The following HAPLN3 variants were observed in gnomAD, a reference collection of about 807,000 sequenced individuals.
HAPLN3 encodes the protein hyaluronan and proteoglycan link protein 3.
HAPLN3 carries 28 observed loss-of-function variants against 28.1 expected under a neutral mutation model. The observed-to-expected ratio is 1.00, with a 90% CI of 0.74 to 1.37. The LOEUF is 1.37. Among genes scored for constraint, HAPLN3 ranks in the 40% most tolerant of loss-of-function variants. The pLI is 0.00. For synonymous variants in HAPLN3, 211 were observed against 213.1 expected (o/e 0.99, Z 0.09); for missense variants, 513 against 504.6 (o/e 1.02, Z -0.16).
At position 88,881,128 on chromosome 15, in the gene HAPLN3, C is replaced by T; in HGVS notation, c.493+229G>A. ...AGAGGCTGGGTGCTTGGGTTCAGAC[C>T]CCAGCTCTGTCGTTTACAAGCTGTG... On this transcript the variant is annotated intron_variant, in intron 3 of 4. Transcript: ENST00000359595. The surrounding 1 kb of genome is among the most constrained non-coding windows in gnomAD (Gnocchi z 6.0). The T allele has an allele frequency of 3.4e-6, 2 of 583,350 alleles. No individual in the cohort carries two copies. The highest frequency in any genetic ancestry group is 3.0e-6 in the Non-Finnish European group (1 of 336,072). The allele number at this position is 583,350 out of a possible 1,614,324, so 36.1% of individuals were successfully genotyped here. A position where few individuals can be genotyped will look rare whatever the true frequency, so the allele number is the denominator to read the frequency against.
At chr15:88,887,649 T>C (rs1897901300) in intron 1 of HAPLN3, among the ~76,000 whole-genome samples, 1 of 152,094 alleles carries the variant, frequency 6.6e-6, no homozygotes, top group South Asian at 2.1e-4. Flanking sequence ...AGGCTCAATG[T>C]TTTTCAAGCC....
chr15:88,882,981 G>A (rs1285238860), intron 2 of HAPLN3, among the ~76,000 whole-genome samples: 1 of 152,074 alleles, frequency 6.6e-6, no homozygotes, highest in Non-Finnish European at 1.5e-5. Context: ...TTCCAAACTG[G>A]GTGAGAGAGC....
At chr15:88,883,091 G>T (rs1408070579) in intron 2 of HAPLN3, among the ~76,000 whole-genome samples, 1 of 152,208 alleles carries the variant, frequency 6.6e-6, no homozygotes, top group Non-Finnish European at 1.5e-5. Flanking sequence ...AGACAGGGAG[G>T]TTCCCTGTAG....
chr15:88,892,975 T>A, intron 1 of HAPLN3: 1 of 1,535,846 alleles, frequency 6.5e-7, no homozygotes, highest in Non-Finnish European at 8.7e-7. Context: ...CCCAGTCACC[T>A]TGGCAGTGGA....
At position 88,892,958 on chromosome 15, in the gene HAPLN3, A is replaced by T. The variant is rs1159494597; in HGVS notation, c.-48+2501T>A. On this transcript the variant is annotated intron_variant, in intron 1 of 4. Coordinates refer to ENST00000359595, the MANE Select transcript of HAPLN3 (RefSeq NM_178232.4). Reference sequence around the variant, plus strand: ...CCACCAGCTGGAAGGCCCAAGACCAAGTCCAGCCCAGTCACCTTGGCAGTG... The same window carrying T: ...CCACCAGCTGGAAGGCCCAAGACCATGTCCAGCCCAGTCACCTTGGCAGTG... The T allele has an allele frequency of 3.3e-6, 5 of 1,535,518 alleles. No homozygotes were observed. In the Admixed American group the frequency reaches 9.8e-5, roughly 30 times the overall value.
At chr15:88,884,189 A>C (rs966642017) in intron 2 of HAPLN3, among the ~76,000 whole-genome samples, 1 of 152,250 alleles carries the variant, frequency 6.6e-6, no homozygotes, top group Non-Finnish European at 1.5e-5. Flanking sequence ...AGGGAAAGAC[A>C]AAAATGAAAT....
Position 88,877,843 on chromosome 15 carries a change from A to AG in HAPLN3, c.*126_*127insC, listed in dbSNP as rs1897570004. ...TTGCTTTACAAAAAATAGTAAAAAA[A>AG]TGTTTAAAGAAAATTTAAATTGAGA... On this transcript the variant is annotated 3_prime_UTR_variant, in exon 5 of 5. Transcript: ENST00000359595. The surrounding 1 kb of genome is among the most constrained non-coding windows in gnomAD (Gnocchi z 5.1). 1.0e-6 allele frequency: 1 copy of AG among 981,646 alleles called. No individual in the cohort carries two copies. Among genetic ancestry groups the AG allele is most frequent in the Non-Finnish European group, 1.5e-6 (1 of 682,680 alleles). The allele number at this position is 981,646 out of a possible 1,614,324, so 60.8% of individuals were successfully genotyped here. A position where few individuals can be genotyped will look rare whatever the true frequency, so the allele number is the denominator to read the frequency against.
In HAPLN3 at chr15:88,888,421, G is replaced by A. The variant is rs932013168; in HGVS notation, c.-47-1076C>T. On this transcript the variant is annotated intron_variant, in intron 1 of 4. Coordinates refer to ENST00000359595, the MANE Select transcript of HAPLN3 (RefSeq NM_178232.4). The surrounding 1 kb of genome is among the most constrained non-coding windows in gnomAD (Gnocchi z 4.1). ...ATAATTTTTGAACACCATGCTAGAG[G>A]TCTTGGGAGCTATTCCAGTTTGGGT... 3.3e-5 allele frequency among the ~76,000 whole-genome samples: 5 copies of A among 152,136 alleles called. No individual in the cohort carries two copies. The highest frequency in any genetic ancestry group is 7.4e-5 in the Non-Finnish European group (5 of 68,020).
Position 88,879,388 on chromosome 15 carries a change from T to A in HAPLN3, c.494-119A>T, listed in dbSNP as rs1198475198. 1.3e-6 allele frequency: 2 copies of A among 1,550,856 alleles called. No homozygotes were observed. The highest frequency in any genetic ancestry group is 1.7e-6 in the Non-Finnish European group (2 of 1,156,310). ...GCCTGCAACACACACACATACACCA[T>A]CCCTCAGAAAAACTCAGCAAACCTC... On this transcript the variant is annotated intron_variant, in intron 3 of 4. Transcript: ENST00000359595. This position sits in a 1 kb window ranked among gnomAD's most constrained non-coding sequence, Gnocchi z 5.0.
chr15:88,886,723 G>C (rs537927726), intron 2 of HAPLN3, among the ~76,000 whole-genome samples: 1 of 152,246 alleles, frequency 6.6e-6, no homozygotes, highest in Non-Finnish European at 1.5e-5. Context: ...TACTCGGGAG[G>C]CCGAGGCAGG....
chr15:88,885,458 GTT>G (rs761060139), intron 2 of HAPLN3, among the ~76,000 whole-genome samples: 3,046 of 114,888 alleles, frequency 0.027, 123 homozygotes, highest in African/African-American at 0.09. Flanking sequence ...TGTTTTTTGT[GTT>G]TTTTTTTTTT....
At position 88,881,769 on chromosome 15, in the gene HAPLN3, T is replaced by C. The variant is rs766069107; in HGVS notation, c.125-44A>G. 7 of 1,562,740 alleles carry C rather than the reference T, an allele frequency of 4.5e-6. No homozygotes were observed. The highest frequency in any genetic ancestry group is 3.6e-5 in the South Asian group (3 of 83,206). ...TGCAGATGAGACCTGCTGAAGCACATCTGTACCCCTGCAAGGGCCACCGCA... is the reference window on the plus strand; with the variant it reads ...TGCAGATGAGACCTGCTGAAGCACACCTGTACCCCTGCAAGGGCCACCGCA... On this transcript the variant is annotated intron_variant, in intron 2 of 4. Coordinates refer to ENST00000359595, the MANE Select transcript of HAPLN3 (RefSeq NM_178232.4). This position sits in a 1 kb window ranked among gnomAD's most constrained non-coding sequence, Gnocchi z 6.0.
chr15:88,892,285 C>T (rs1898031837), intron 1 of HAPLN3, among the ~76,000 whole-genome samples: 1 of 151,832 alleles, frequency 6.6e-6, no homozygotes, highest in Non-Finnish European at 1.5e-5. Flanking sequence ...GGTAAAACCC[C>T]GTCTCTACTA....
At chr15:88,878,907 C>T in intron 4 of HAPLN3, 60 bp downstream of exon 4, 1 of 1,498,772 alleles carries the variant, frequency 6.7e-7, no homozygotes, top group Non-Finnish European at 9.0e-7. Flanking sequence ...AGAAGCTGCC[C>T]TCTCACAGGT....
intron 1 of HAPLN3, among the ~76,000 whole-genome samples, chr15:88,890,947 G>A (rs897683846): frequency 5.3e-5 from 8 of 150,976 alleles, no homozygotes; most frequent in Non-Finnish European, 2.9e-5. Flanking sequence ...GTGCAATCTC[G>A]GCTCACTGCA....
At chr15:88,878,946 G>T (rs769150325) in intron 4 of HAPLN3, 21 bp downstream of exon 4, 2 of 1,587,498 alleles carry the variant, frequency 1.3e-6, no homozygotes, top group South Asian at 2.3e-5. Context: ...CCACAGGCCC[G>T]CGCTTGGCTA....
intron 1 of HAPLN3, among the ~76,000 whole-genome samples, chr15:88,893,808 G>A (rs772323426): frequency 5.3e-5 from 8 of 151,484 alleles, no homozygotes; most frequent in Non-Finnish European, 8.8e-5. Flanking sequence ...AGCGCTTGTA[G>A]TCCCAGCTAC....
Position 88,879,585 on chromosome 15 carries a change from C to A in HAPLN3, c.494-316G>T. On this transcript the variant is annotated intron_variant, in intron 3 of 4. Transcript: ENST00000359595. This position sits in a 1 kb window ranked among gnomAD's most constrained non-coding sequence, Gnocchi z 5.0. Reference sequence around the variant, plus strand: ...CCCCAGTGAGGCTGTGCCATCTTCTCCAGACAGGCCCGGGCTTTGGGCTCT... The same window carrying A: ...CCCCAGTGAGGCTGTGCCATCTTCTACAGACAGGCCCGGGCTTTGGGCTCT... 1 of 1,343,080 alleles carries A rather than the reference C, an allele frequency of 7.4e-7. No homozygotes were observed. The highest frequency in any genetic ancestry group is 1.3e-5 in the South Asian group (1 of 78,480). 83.2% of individuals were successfully genotyped at this position (1,343,080 alleles called of 1,614,324 possible). A position where few individuals can be genotyped will look rare whatever the true frequency, so the allele number is the denominator to read the frequency against.
chr15:88,877,841 A>C lies in HAPLN3; in HGVS notation c.*129T>G, dbSNP rs1449297992. 1 of 979,826 alleles carries C rather than the reference A, an allele frequency of 1.0e-6. No homozygotes were observed. The highest frequency in any genetic ancestry group is 1.5e-6 in the Non-Finnish European group (1 of 681,436). The allele number at this position is 979,826 out of a possible 1,614,324, so 60.7% of individuals were successfully genotyped here. ...GTTTGCTTTACAAAAAATAGTAAAA[A>C]AATGTTTAAAGAAAATTTAAATTGA... On this transcript the variant is annotated 3_prime_UTR_variant, in exon 5 of 5. Transcript: ENST00000359595. The surrounding 1 kb of genome is among the most constrained non-coding windows in gnomAD (Gnocchi z 5.1).
Sources: gnomAD v4.1 joint callset for allele counts (sites outside exome capture counted in the v4.1 genomes callset) on GRCh38, gnomAD v4.1.1 for gene constraint, Gnocchi (gnomAD v3.1) non-coding constraint, MANE v1.5 for transcripts, NCBI Gene and HGNC (gene_info 2026-07-23, HGNC 2026-07-21) for gene names.